Variants in RTN4IP1 observed in about 807,000 individuals in gnomAD.
The protein encoded by RTN4IP1 is reticulon 4 interacting protein 1.
RTN4IP1 carries 32 observed loss-of-function variants against 46.6 expected under a neutral mutation model. The ratio of observed to expected loss-of-function variants is 0.69; its 90% CI spans 0.52 to 0.92. RTN4IP1 has a LOEUF of 0.92. Among genes scored for constraint, RTN4IP1 ranks in the 40% least tolerant of loss-of-function variants. The probability of loss-of-function intolerance (pLI) is 0.00; values close to 1 mark genes in which losing one functional copy is unlikely to be tolerated. For missense variants in RTN4IP1, 424 were observed against 485.8 expected, an observed-to-expected ratio of 0.87 and a Z score of 1.20; for synonymous variants, 167 against 161.8, an observed-to-expected ratio of 1.03 and a Z score of -0.24.
chr6:106,588,076 T>C (rs1389955268), intron 6 of RTN4IP1, among the ~76,000 whole-genome samples: 2 of 152,184 alleles, frequency 1.3e-5, no homozygotes, highest in African/African-American at 4.8e-5. Context: ...CAAGGTAAGT[T>C]TAATGTGACT....
chr6:106,576,538 C>T (rs74641223), intron 8 of RTN4IP1, among the ~76,000 whole-genome samples: 2,945 of 152,242 alleles, frequency 0.019, 77 homozygotes, highest in African/African-American at 0.069. Flanking sequence ...TTCTATGGAG[C>T]AAAATCCAGT....
chr6:106,578,257 CAA>C (rs1477492700), intron 8 of RTN4IP1, among the ~76,000 whole-genome samples: 6 of 152,172 alleles, frequency 3.9e-5, no homozygotes, highest in Non-Finnish European at 7.3e-5. Flanking sequence ...TCGTAAGGGT[CAA>C]GAGACCTGGG....
intron 4 of RTN4IP1, among the ~76,000 whole-genome samples, chr6:106,606,681 G>C (rs1176295182): frequency 6.6e-6 from 1 of 151,990 alleles, no homozygotes; most frequent in Non-Finnish European, 1.5e-5. Flanking sequence ...CCAAGTGGGG[G>C]AGGATCGCTT....
chr6:106,610,530 T>C lies in RTN4IP1; in HGVS notation c.621-7608A>G, dbSNP rs544323752. The stretch of plus-strand genomic sequence containing the variant: ...GGCCCTTCACTTAAGTCCTACACAG[T>C]GGGAATACTTTTTACCTAGCTTGCT... On this transcript the variant is annotated intron_variant, in intron 4 of 8. Coordinates refer to ENST00000369063, the MANE Select transcript of RTN4IP1 (RefSeq NM_032730.5). 9.2e-5 allele frequency among the ~76,000 whole-genome samples: 14 copies of C among 152,290 alleles called. No homozygotes were observed. In the South Asian group the frequency reaches 2.9e-3, roughly 32 times the overall value.
chr6:106,580,213 CAAAA>C (rs746909333), intron 8 of RTN4IP1, among the ~76,000 whole-genome samples: 1 of 69,178 alleles, frequency 1.4e-5, no homozygotes, highest in Admixed American at 1.7e-4. Flanking sequence ...GACTCTGTCT[CAAAA>C]AAAAAAAAAA....
upstream of RTN4IP1, chr6:106,629,804 C>T (rs1776776628): frequency 2.1e-6 from 3 of 1,419,756 alleles, no homozygotes; most frequent in South Asian, 2.5e-5. Flanking sequence ...TCTTGGCCCA[C>T]CTCGCTGCTT....
chr6:106,614,361 G>GCT (rs1776298032), intron 4 of RTN4IP1, among the ~76,000 whole-genome samples: 1 of 152,176 alleles, frequency 6.6e-6, no homozygotes, highest in Non-Finnish European at 1.5e-5. Context: ...GAAGAGTTGG[G>GCT]GTGGTAGTTG....
At chr6:106,593,964 G>A (rs1321938758) in intron 5 of RTN4IP1, among the ~76,000 whole-genome samples, 2 of 151,988 alleles carry the variant, frequency 1.3e-5, no homozygotes, top group African/African-American at 4.8e-5. Flanking sequence ...AACTATTGAG[G>A]AAAAAGAAAA....
chr6:106,605,814 CCCAAAAAAAAAAAAA>C (rs1281199166), intron 4 of RTN4IP1, among the ~76,000 whole-genome samples: 1 of 96,738 alleles, frequency 1.0e-5, no homozygotes. Context: ...AAGACTCTGT[CCCAAAAAAAAAAAAA>C]AAAAAAAAAA....
At chr6:106,617,397 CTCAATACAAGATATCA>C (rs1776381839) in intron 4 of RTN4IP1, among the ~76,000 whole-genome samples, 1 of 152,178 alleles carries the variant, frequency 6.6e-6, no homozygotes, top group African/African-American at 2.4e-5. Context: ...ACAGACCCAA[CTCAATACAAGATATCA>C]TCACCTAATA....
chr6:106,619,152 C>T (rs749577569), intron 4 of RTN4IP1, 50 bp downstream of exon 4: 6 of 1,602,440 alleles, frequency 3.7e-6, no homozygotes, highest in Non-Finnish European at 5.1e-6. Context: ...AAGGAACTCA[C>T]AGAAGGAAAG....
At chr6:106,582,209 A>G (rs1050522041) in intron 8 of RTN4IP1, among the ~76,000 whole-genome samples, 5 of 152,224 alleles carry the variant, frequency 3.3e-5, no homozygotes, top group South Asian at 2.1e-4. Flanking sequence ...TAGTTCCCAA[A>G]AATATTCCTT....
In RTN4IP1 at chr6:106,571,821, C is replaced by A; in HGVS notation, c.*175G>T. Reference sequence around the variant, plus strand: ...TACTGACTACAGACAAATCCAAGTGCTGATATTTTTATATCAATTACTGGC... The same window carrying A: ...TACTGACTACAGACAAATCCAAGTGATGATATTTTTATATCAATTACTGGC... On this transcript the variant is annotated 3_prime_UTR_variant, in exon 9 of 9. Coordinates refer to ENST00000369063, the MANE Select transcript of RTN4IP1 (RefSeq NM_032730.5). The A allele has an allele frequency of 5.7e-6, 3 of 527,970 alleles. No homozygotes were observed. The highest frequency in any genetic ancestry group is 3.4e-6 in the Non-Finnish European group (1 of 294,844). The allele number at this position is 527,970 out of a possible 1,614,324, so 32.7% of individuals were successfully genotyped here.
chr6:106,628,756 T>A lies in RTN4IP1; in HGVS notation c.266A>T (p.Asn89Ile). The change falls in exon 1 of 9, where the codon AAT (asparagine) becomes ATT (isoleucine). Residue 89 changes from asparagine (N) to isoleucine (I), a missense_variant. Transcript: ENST00000369063. ...HAASVNPIDV[N>I]MRSGYGATAL... is the part of the protein sequence containing the mutation. ...GTCTTTTGAAAACTTACTTCTCATA[T>A]TAACGTCTATAGGATTTACACTGGC... The A allele has an allele frequency of 6.2e-7, 1 of 1,604,322 alleles. No individual in the cohort carries two copies. Among genetic ancestry groups the A allele is most frequent in the Non-Finnish European group, 8.5e-7 (1 of 1,172,328 alleles).
At chr6:106,596,752 A>G (rs1775802138) in intron 5 of RTN4IP1, among the ~76,000 whole-genome samples, 1 of 152,200 alleles carries the variant, frequency 6.6e-6, no homozygotes, top group Non-Finnish European at 1.5e-5. Flanking sequence ...GAAGCTCATT[A>G]TCTAGTAGAT....
At position 106,624,211 on chromosome 6, in the gene RTN4IP1, A is replaced by G. The variant is rs141584229; in HGVS notation, c.275-1242T>C. 1.2e-3 allele frequency among the ~76,000 whole-genome samples: 176 copies of G among 152,108 alleles called. 2 individuals are homozygous for G. The highest frequency in any genetic ancestry group is 4.1e-3 in the African/African-American group (169 of 41,506). ...GCTGGGACTACAGGCACACACCACC[A>G]CAGCCACCTAATTTTTGTATTTTTA... On this transcript the variant is annotated intron_variant, in intron 1 of 8. Coordinates refer to ENST00000369063, the MANE Select transcript of RTN4IP1 (RefSeq NM_032730.5).
At chr6:106,579,856 C>T (rs1775315759) in intron 8 of RTN4IP1, among the ~76,000 whole-genome samples, 1 of 151,794 alleles carries the variant, frequency 6.6e-6, no homozygotes, top group South Asian at 2.1e-4. Flanking sequence ...CCAAGCGATC[C>T]TCCCACCTCA....
intron 5 of RTN4IP1, among the ~76,000 whole-genome samples, chr6:106,594,143 C>G (rs1250340093): frequency 6.6e-6 from 1 of 152,072 alleles, no homozygotes; most frequent in Non-Finnish European, 1.5e-5. Context: ...TATCTTTGAA[C>G]ATTATGAAAA....
chr6:106,623,037 T>G, intron 1 of RTN4IP1, 68 bp from the exon 2 acceptor site: 1 of 1,487,668 alleles, frequency 6.7e-7, no homozygotes, highest in Non-Finnish European at 9.2e-7. Context: ...TACTACAGGG[T>G]TATAGTCCAG....
Sources: allele counts gnomAD v4.1 joint callset (sites outside exome capture counted in the v4.1 genomes callset), GRCh38; gene constraint gnomAD v4.1.1; transcripts MANE v1.5; gene names NCBI Gene and HGNC (gene_info 2026-07-23, HGNC 2026-07-21).